The following TRIM67 variants were observed in gnomAD, a reference collection of about 807,000 sequenced individuals.
The protein encoded by TRIM67 is tripartite motif containing 67.
TRIM67 carries 39 observed loss-of-function variants against 71.0 expected under a neutral mutation model. The ratio of observed to expected loss-of-function variants is 0.55; its 90% CI spans 0.43 to 0.72. The LOEUF is 0.72. TRIM67 is among the 30% of genes least tolerant of loss of function. The pLI is 0.00. For missense variants in TRIM67, 973 were observed against 1,079.2 expected, an observed-to-expected ratio of 0.90 and a Z score of 1.38; for synonymous variants, 481 against 473.9, an observed-to-expected ratio of 1.01 and a Z score of -0.19.
At position 231,201,408 on chromosome 1, in the gene TRIM67, C is replaced by G; in HGVS notation, c.1425C>G (p.Val475=). 6.2e-7 allele frequency: 1 copy of G among 1,613,506 alleles called. No homozygotes were observed. Among genetic ancestry groups the G allele is most frequent in the Non-Finnish European group, 8.5e-7 (1 of 1,179,714 alleles). ...KRVQVSQEQW[V]KGALEPKVSA... ...TCCAGGTGTCTCAGGAGCAGTGGGTCAAAGGCGCCCTGGAGCCGAAAGTGT... is the reference window on the plus strand; with the variant it reads ...TCCAGGTGTCTCAGGAGCAGTGGGTGAAAGGCGCCCTGGAGCCGAAAGTGT... Residue 475 remains valine, a synonymous_variant, in exon 5 of 10, where the codon GTC becomes GTG. Transcript: ENST00000366653.
intron 1 of TRIM67, chr1:231,187,705 G>A: frequency 1.3e-6 from 1 of 778,828 alleles, no homozygotes; most frequent in Admixed American, 2.8e-5. Flanking sequence ...GAGGCGGGGT[G>A]GGAAAGGCGG....
intron 5 of TRIM67, 75 bp from the exon 6 acceptor site, chr1:231,203,792 A>ATGGGG (rs1683617301): frequency 1.3e-6 from 2 of 1,507,036 alleles, no homozygotes; most frequent in Non-Finnish European, 1.8e-6. Context: ...GACCCCTGGG[A>ATGGGG]TGGGGTGGGG....
At position 231,208,982 on chromosome 1, in the gene TRIM67, C is replaced by A. The variant is rs765175270; in HGVS notation, c.1855C>A (p.Arg619=). Reference sequence around the variant, plus strand: ...CACATTTGACCCCAACTCTGGGCATCGGGACATCATTTTATCCAATGACAA... The same window carrying A: ...CACATTTGACCCCAACTCTGGGCATAGGGACATCATTTTATCCAATGACAA... ...WFTFDPNSGH[R]DIILSNDNQT... The change falls in exon 8 of 10, where the codon CGG becomes AGG. Residue 619 remains arginine, a synonymous_variant. Coordinates refer to ENST00000366653, the MANE Select transcript of TRIM67 (RefSeq NM_001004342.5). 2.5e-6 allele frequency: 4 copies of A among 1,603,052 alleles called. No homozygotes were observed. The Admixed American group carries it at 6.7e-5, about 27-fold the overall frequency.
At chr1:231,213,242 C>T (rs1683921284) in intron 8 of TRIM67, among the ~76,000 whole-genome samples, 5 of 152,172 alleles carry the variant, frequency 3.3e-5, no homozygotes, top group Admixed American at 3.3e-4. Context: ...CCCGAATTTT[C>T]TAGTGCGCAG....
In TRIM67 at chr1:231,220,215, T is replaced by A; in HGVS notation, c.*4775T>A. 1 of 338,886 alleles carries A rather than the reference T, an allele frequency of 3.0e-6. No homozygotes were observed. The highest frequency in any genetic ancestry group is 5.8e-6 in the Non-Finnish European group (1 of 173,490). 21.0% of individuals were successfully genotyped at this position (338,886 alleles called of 1,614,324 possible). A position where few individuals can be genotyped will look rare whatever the true frequency, so the allele number is the denominator to read the frequency against. On this transcript the variant is annotated 3_prime_UTR_variant, in exon 10 of 10. Transcript: ENST00000366653. The stretch of plus-strand genomic sequence containing the variant: ...CCAGTGTCTTCCATCCAAGCCTCCT[T>A]GTGACCAGGGCAAGGAGCTGCCTGG...
intron 1 of TRIM67, among the ~76,000 whole-genome samples, chr1:231,175,017 A>T (rs117936083): frequency 6.6e-6 from 1 of 152,316 alleles, no homozygotes; most frequent in East Asian, 1.9e-4. Flanking sequence ...GGATCAAGAA[A>T]CAGAGATCTT....
chr1:231,163,724 AGCC>A lies in TRIM67; in HGVS notation c.777_779del (p.Pro260del), dbSNP rs746097685. 907 of 1,479,256 alleles carry A rather than the reference AGCC, an allele frequency of 6.1e-4. 1 individual carries two copies. Among genetic ancestry groups the A allele is most frequent in the South Asian group, 2.3e-3 (174 of 75,926 alleles). 91.6% of individuals were successfully genotyped at this position (1,479,256 alleles called of 1,614,324 possible). ...CCCTTCGCCAAGCATCGCCTGGTGC[AGCC>A]GCCGCCGCCGCCGCCGCCGCCCGCC... On this transcript the variant is annotated inframe_deletion, in exon 1 of 10. Coordinates refer to ENST00000366653, the MANE Select transcript of TRIM67 (RefSeq NM_001004342.5).
intron 1 of TRIM67, among the ~76,000 whole-genome samples, chr1:231,177,839 G>C (rs1682795624): frequency 1.3e-5 from 2 of 152,080 alleles, no homozygotes; most frequent in Non-Finnish European, 2.9e-5. Flanking sequence ...TGTAATCCCA[G>C]TACCCATCAG....
At chr1:231,176,456 A>T (rs113191097) in intron 1 of TRIM67, among the ~76,000 whole-genome samples, 1 of 152,200 alleles carries the variant, frequency 6.6e-6, no homozygotes, top group African/African-American at 2.4e-5. Flanking sequence ...GGGGTCACGG[A>T]TGGTGAGTAG....
chr1:231,195,207 G>A (rs1683335822), intron 1 of TRIM67, among the ~76,000 whole-genome samples: 1 of 152,214 alleles, frequency 6.6e-6, no homozygotes, highest in South Asian at 2.1e-4. Flanking sequence ...AATGTGACCT[G>A]TAGGTTATCA....
In TRIM67 at chr1:231,219,031, G is replaced by A. The variant is rs1053764702; in HGVS notation, c.*3591G>A. On this transcript the variant is annotated 3_prime_UTR_variant, in exon 10 of 10. Transcript: ENST00000366653. ...CCCTGGGAAGGCGGGTTTCGGCACCGGTGGGCAGGTGGTTCAGTGTCAAGG... is the reference window on the plus strand; with the variant it reads ...CCCTGGGAAGGCGGGTTTCGGCACCAGTGGGCAGGTGGTTCAGTGTCAAGG... 36 of 985,374 alleles carry A rather than the reference G, an allele frequency of 3.7e-5. No homozygotes were observed. The highest frequency in any genetic ancestry group is 6.1e-5 in the Admixed American group (1 of 16,268). 61.0% of individuals were successfully genotyped at this position (985,374 alleles called of 1,614,324 possible).
intron 3 of TRIM67, among the ~76,000 whole-genome samples, chr1:231,199,820 T>C (rs568745239): frequency 2.3e-4 from 35 of 152,366 alleles, no homozygotes; most frequent in African/African-American, 7.7e-4. Context: ...CCAGGGCCAC[T>C]GAGCGGTCGG....
rs1003626604 is a variant in TRIM67 at position 231,163,394 on chromosome 1, C to T, written c.425C>T (p.Ala142Val). ...CCACCCGGCTCCTCGGCTGCGGCGG[C>T]TCGGGGTGCCGCCTGCTCCTCGCTG... ...PAPPGSSAAA[A>V]RGAACSSLSS... Residue 142 changes from alanine to valine, a missense_variant, in exon 1 of 10, where the codon GCT becomes GTT. This residue lies in a region of TRIM67 where 795 missense variants were observed against 831.3 expected (regional missense o/e 0.96). Coordinates refer to ENST00000366653, the MANE Select transcript of TRIM67 (RefSeq NM_001004342.5). 6.5e-7 allele frequency: 1 copy of T among 1,535,474 alleles called. No individual in the cohort carries two copies. Among genetic ancestry groups the T allele is most frequent in the Non-Finnish European group, 8.7e-7 (1 of 1,142,948 alleles).
chr1:231,221,416 A>G lies in TRIM67; in HGVS notation c.*5976A>G, dbSNP rs1684135691. The stretch of plus-strand genomic sequence containing the variant: ...TCTAATTTTTGTATTGGTATCCACA[A>G]GCGTTTGTATTTTTTGAATTGCAAA... On this transcript the variant is annotated 3_prime_UTR_variant, in exon 10 of 10. Transcript: ENST00000366653. 1 of 152,610 alleles carries G rather than the reference A, an allele frequency of 6.6e-6. No individual in the cohort carries two copies. The highest frequency in any genetic ancestry group is 2.1e-4 in the South Asian group (1 of 4,824). The allele number at this position is 152,610 out of a possible 1,614,324, so 9.5% of individuals were successfully genotyped here. A position where few individuals can be genotyped will look rare whatever the true frequency, so the allele number is the denominator to read the frequency against.
chr1:231,221,175 A>G lies in TRIM67; in HGVS notation c.*5735A>G, dbSNP rs1339438127. 3 of 152,256 alleles carry G rather than the reference A, an allele frequency of 2.0e-5. No homozygotes were observed. The highest frequency in any genetic ancestry group is 1.3e-4 in the Admixed American group (2 of 15,290). 9.4% of individuals were successfully genotyped at this position (152,256 alleles called of 1,614,324 possible). A position where few individuals can be genotyped will look rare whatever the true frequency, so the allele number is the denominator to read the frequency against. On this transcript the variant is annotated 3_prime_UTR_variant, in exon 10 of 10. Transcript: ENST00000366653. Reference sequence around the variant, plus strand: ...TTAACGTTGGCAAAGGGATTTAACAAGAAACAAAAAGCTTCGCGTCCTTGT... The same window carrying G: ...TTAACGTTGGCAAAGGGATTTAACAGGAAACAAAAAGCTTCGCGTCCTTGT...
Position 231,162,952 on chromosome 1 carries a change from C to T in TRIM67, c.-18C>T. ...CATTCATCCCCAGCGCAGAGCAGCG[C>T]TGGCAGCCGGCGCCGCGATGGAGGA... On this transcript the variant is annotated 5_prime_UTR_variant, in exon 1 of 10. Transcript: ENST00000366653. 6.2e-7 allele frequency: 1 copy of T among 1,607,492 alleles called. No homozygotes were observed. The highest frequency in any genetic ancestry group is 8.5e-7 in the Non-Finnish European group (1 of 1,177,930).
In TRIM67 at chr1:231,162,885, G is replaced by T. The variant is rs1571862592; in HGVS notation, c.-85G>T. The T allele has an allele frequency of 3.3e-6, 5 of 1,521,428 alleles. No individual in the cohort carries two copies. The highest frequency in any genetic ancestry group is 2.8e-5 in the African/African-American group (2 of 72,486). 94.2% of individuals were successfully genotyped at this position (1,521,428 alleles called of 1,614,324 possible). A position where few individuals can be genotyped will look rare whatever the true frequency, so the allele number is the denominator to read the frequency against. ...CCCCCGCCCGTCGTCTCACCGGGGCGCACCGCGCTGGTCCTCCTCCGCCAG... is the reference window on the plus strand; with the variant it reads ...CCCCCGCCCGTCGTCTCACCGGGGCTCACCGCGCTGGTCCTCCTCCGCCAG... On this transcript the variant is annotated 5_prime_UTR_variant, in exon 1 of 10. Transcript: ENST00000366653.
Position 231,201,416 on chromosome 1 carries a change from C to T in TRIM67, c.1433C>T (p.Ala478Val), listed in dbSNP as rs1683517070. The T allele has an allele frequency of 6.2e-7, 1 of 1,613,430 alleles. No homozygotes were observed. The highest frequency in any genetic ancestry group is 1.3e-5 in the African/African-American group (1 of 74,916). The part of the protein sequence containing the change: ...QVSQEQWVKG[A>V]LEPKVSAEFD... ...TCTCAGGAGCAGTGGGTCAAAGGCG[C>T]CCTGGAGCCGAAAGTGTCTGCGGAG... is the stretch of plus-strand genomic sequence containing the variant. Residue 478 changes from alanine (A) to valine (V), a missense_variant, in exon 5 of 10, where the codon GCC becomes GTC. Physicochemically the swap from Ala to Val is moderately conservative, Grantham distance 64. Around this residue, in one of 2 missense-constraint regions of TRIM67, gnomAD observed 795 missense variants for 831.3 expected, o/e 0.96. Transcript: ENST00000366653.
intron 7 of TRIM67, among the ~76,000 whole-genome samples, chr1:231,207,068 G>A (rs755880660): frequency 3.3e-5 from 5 of 152,174 alleles, no homozygotes; most frequent in African/African-American, 4.8e-5. Flanking sequence ...CGGAGGGGCC[G>A]GTTGAGGTGC....
Sources: allele counts gnomAD v4.1 joint callset (sites outside exome capture counted in the v4.1 genomes callset), GRCh38; gene constraint gnomAD v4.1.1; regional missense constraint gnomAD v4.1.1; transcripts MANE v1.5; gene names NCBI Gene and HGNC (gene_info 2026-07-23, HGNC 2026-07-21).